Variants in LRP1B observed in about 807,000 individuals in gnomAD.
The protein encoded by LRP1B is low-density lipoprotein receptor-related protein 1B.
A neutral mutation model predicts 556.6 loss-of-function variants in LRP1B; 217 were observed. That is an observed-to-expected ratio of 0.39 (90% CI 0.35 to 0.44). LRP1B has a LOEUF of 0.44. LRP1B is among the 20% of genes least tolerant of loss of function. The probability of loss-of-function intolerance (pLI) is 1.00; values close to 1 mark genes in which losing one functional copy is unlikely to be tolerated. For missense variants in LRP1B, 5,053 were observed against 5,620.8 expected (o/e 0.90, Z 3.23); for synonymous variants, 2,047 against 1,865.8 (o/e 1.10, Z -2.50).
chr2:140,819,026 G>A (rs1416490711), intron 31 of LRP1B, among the ~76,000 whole-genome samples: 2 of 151,520 alleles, frequency 1.3e-5, no homozygotes, highest in African/African-American at 4.9e-5. Context: ...TCTCTGTGAA[G>A]TGAACACAAA....
At chr2:140,895,564 C>A (rs1021832715) in intron 23 of LRP1B, among the ~76,000 whole-genome samples, 1 of 152,254 alleles carries the variant, frequency 6.6e-6, no homozygotes, top group African/African-American at 2.4e-5. Flanking sequence ...TGTTACCGTG[C>A]GCTCTTTTAC....
At chr2:141,220,852 C>G (rs1683008132) in intron 6 of LRP1B, among the ~76,000 whole-genome samples, 1 of 151,672 alleles carries the variant, frequency 6.6e-6, no homozygotes, top group African/African-American at 2.4e-5. Flanking sequence ...GAAACAAAAT[C>G]CTTTTCAGAT....
intron 2 of LRP1B, among the ~76,000 whole-genome samples, chr2:141,535,277 A>G (rs1319275560): frequency 6.6e-6 from 1 of 152,182 alleles, no homozygotes; most frequent in Non-Finnish European, 1.5e-5. Flanking sequence ...CTATTTTCCC[A>G]GTAGCTGCGG....
At chr2:141,921,910 C>A (rs952059358) in intron 1 of LRP1B, among the ~76,000 whole-genome samples, 5 of 152,004 alleles carry the variant, frequency 3.3e-5, no homozygotes, top group African/African-American at 1.2e-4. Flanking sequence ...ACACATTTTT[C>A]TTTTACATTA....
intron 66 of LRP1B, among the ~76,000 whole-genome samples, chr2:140,404,593 A>G (rs1219615964): frequency 1.3e-5 from 2 of 152,194 alleles, no homozygotes; most frequent in East Asian, 3.9e-4. Flanking sequence ...ATTAATGTTG[A>G]ATGTAAATGG....
At chr2:140,819,542 T>C (rs1488340609) in intron 31 of LRP1B, among the ~76,000 whole-genome samples, 1 of 151,854 alleles carries the variant, frequency 6.6e-6, no homozygotes, top group Non-Finnish European at 1.5e-5. Context: ...GCATGATGAC[T>C]AAAACAGAGA....
At chr2:140,575,488 C>T (rs978692173) in intron 43 of LRP1B, among the ~76,000 whole-genome samples, 1 of 152,032 alleles carries the variant, frequency 6.6e-6, no homozygotes, top group Non-Finnish European at 1.5e-5. Flanking sequence ...TTTTTGTTAA[C>T]CATGCCATGG....
chr2:140,529,118 T>C (rs989177736), intron 47 of LRP1B, among the ~76,000 whole-genome samples: 3 of 151,966 alleles, frequency 2.0e-5, no homozygotes, highest in African/African-American at 7.2e-5. Flanking sequence ...AGTAAGCTTA[T>C]GAAACATGAG....
chr2:141,544,334 C>CTTCTTCTT lies in LRP1B; in HGVS notation c.206-63809_206-63802dup, dbSNP rs1559131134. Among the ~76,000 whole-genome samples, 63 of 66,424 alleles carry CTTCTTCTT rather than the reference C, an allele frequency of 9.5e-4. 1 individual carries two copies. In the South Asian group the frequency reaches 0.012, roughly 13 times the overall value. 43.6% of individuals were successfully genotyped at this position (66,424 alleles called of 152,430 possible). On this transcript the variant is annotated intron_variant, in intron 2 of 90. Coordinates refer to ENST00000389484, the MANE Select transcript of LRP1B (RefSeq NM_018557.3). ...TCTTCTTCTTCTTCTTCTTCTTCTT[C>CTTCTTCTT]TTCTTCTTCTTCTTCTTCTTCTTCT...
At chr2:141,765,959 T>C (rs1276738465) in intron 2 of LRP1B, among the ~76,000 whole-genome samples, 1 of 152,196 alleles carries the variant, frequency 6.6e-6, no homozygotes, top group Non-Finnish European at 1.5e-5. Context: ...CGAGTTAATG[T>C]CATTTTCAGG....
intron 27 of LRP1B, among the ~76,000 whole-genome samples, chr2:140,865,988 G>A (rs7565456): frequency 0.68 from 103,623 of 151,940 alleles, 36,955 homozygotes; most frequent in Non-Finnish European, 0.79. Flanking sequence ...GAATTAGACA[G>A]TGCAGTTAGT....
intron 84 of LRP1B, among the ~76,000 whole-genome samples, chr2:140,293,362 G>A (rs573675912): frequency 2.2e-4 from 34 of 152,182 alleles, no homozygotes; most frequent in Middle Eastern, 3.4e-3. Flanking sequence ...GAGAAGTGCC[G>A]CTATATTTGT....
At chr2:142,005,083 C>T (rs923788140) in intron 1 of LRP1B, among the ~76,000 whole-genome samples, 1 of 147,218 alleles carries the variant, frequency 6.8e-6, no homozygotes, top group South Asian at 2.1e-4. Flanking sequence ...ATATTTAGTA[C>T]TATGTAAACT....
rs1053041544 is a variant in LRP1B at position 141,281,008 on chromosome 2, C to T, written c.344-26367G>A. Among the ~76,000 whole-genome samples, 6 of 151,826 alleles carry T rather than the reference C, an allele frequency of 4.0e-5. No homozygotes were observed. In the South Asian group the frequency reaches 1.2e-3, roughly 31 times the overall value. On this transcript the variant is annotated intron_variant, in intron 3 of 90. Transcript: ENST00000389484. The stretch of plus-strand genomic sequence containing the variant: ...TATTATTCATTTCCATTTTATTATT[C>T]AATATTCATACTCAAAATACCAATG...
chr2:141,149,507 G>A (rs777392181), intron 7 of LRP1B, among the ~76,000 whole-genome samples: 2 of 152,104 alleles, frequency 1.3e-5, no homozygotes, highest in Non-Finnish European at 2.9e-5. Context: ...ACATCTTATA[G>A]CATAAACAGC....
chr2:141,197,549 T>C (rs1681808195), intron 6 of LRP1B, among the ~76,000 whole-genome samples: 1 of 152,078 alleles, frequency 6.6e-6, no homozygotes, highest in African/African-American at 2.4e-5. Flanking sequence ...ATATAAATAC[T>C]TGTTTCATCT....
At chr2:141,339,103 G>C (rs747177266) in intron 3 of LRP1B, among the ~76,000 whole-genome samples, 1 of 151,876 alleles carries the variant, frequency 6.6e-6, no homozygotes, top group East Asian at 1.9e-4. Context: ...CTACTTTCCA[G>C]AATATTTTCC....
chr2:141,294,442 G>GT (rs1313407792), intron 3 of LRP1B, among the ~76,000 whole-genome samples: 4 of 151,974 alleles, frequency 2.6e-5, no homozygotes, highest in Non-Finnish European at 4.4e-5. Flanking sequence ...CCTAAAACAG[G>GT]TTGGGTGCTG....
chr2:140,531,784 C>A (rs1690704904), intron 47 of LRP1B, among the ~76,000 whole-genome samples: 1 of 152,128 alleles, frequency 6.6e-6, no homozygotes, highest in Admixed American at 6.6e-5. Context: ...CGAGTATCTA[C>A]TATTGGCCAA....
Sources: gnomAD v4.1 joint callset for allele counts (sites outside exome capture counted in the v4.1 genomes callset) on GRCh38, gnomAD v4.1.1 for gene constraint, MANE v1.5 for transcripts, NCBI Gene and HGNC (gene_info 2026-07-23, HGNC 2026-07-21) for gene names.